The following SUPT7L variants were observed in gnomAD, a reference collection of about 807,000 sequenced individuals.
SUPT7L encodes SPT7 like, STAGA complex subunit gamma.
Under a neutral mutation model 35.7 loss-of-function variants are expected in SUPT7L, and 15 were observed. That is an observed-to-expected ratio of 0.42 (90% CI 0.28 to 0.65). SUPT7L has a LOEUF of 0.65. Ranked by LOEUF, SUPT7L falls within the 30% of genes least tolerant of loss-of-function variation. The pLI is 0.23. For synonymous variants in SUPT7L, 168 were observed against 186.2 expected (o/e 0.90, Z 0.79); for missense variants, 434 against 522.2 (o/e 0.83, Z 1.65).
the SUPT7L span, among the ~76,000 whole-genome samples, chr2:27,643,032 T>C: frequency 6.9e-6 from 1 of 145,232 alleles, no homozygotes; most frequent in Admixed American, 6.9e-5. This position sits in a 1 kb window ranked among gnomAD's most constrained non-coding sequence, Gnocchi z 4.0. Context: ...AATAAAGGAT[T>C]TGGAAAGGCA....
the SUPT7L span, among the ~76,000 whole-genome samples, chr2:27,643,318 T>C: frequency 1.3e-5 from 2 of 151,912 alleles, no homozygotes; most frequent in Non-Finnish European, 2.9e-5. The surrounding 1 kb of genome is among the most constrained non-coding windows in gnomAD (Gnocchi z 4.0). Context: ...CCATGTTTAC[T>C]TTATTCTTTA....
chr2:27,662,409 T>G, intron 1 of SUPT7L, 128 bp from the exon 2 acceptor site: 1 of 536,908 alleles, frequency 1.9e-6, no homozygotes, highest in Non-Finnish European at 3.4e-6. Flanking sequence ...AATGACTACC[T>G]TTGTTCTAAC....
rs753562086 is a variant in SUPT7L at position 27,661,114 on chromosome 2, C to G, written c.289G>C (p.Glu97Gln). 1 of 1,614,164 alleles carries G rather than the reference C, an allele frequency of 6.2e-7. No individual in the cohort carries two copies. Among genetic ancestry groups the G allele is most frequent in the South Asian group, 1.1e-5 (1 of 91,078 alleles). ...NQQQTEGVKT[E>Q]ESEPLPSCPG... ...CACGAGGGAAGAGGTTCACTCTCTT[C>G]AGTTTTTACACCTTCTGTCTGCTGC... The change falls in exon 3 of 6, where the codon GAA (glutamate) becomes CAA (glutamine). Residue 97 changes from glutamate (E) to glutamine (Q), a missense_variant. Physicochemically the swap from Glu to Gln is conservative, Grantham distance 29. Transcript: ENST00000337768.
In SUPT7L at chr2:27,650,833, C is replaced by T. The variant is rs1306698520; in HGVS notation, c.*2652G>A. On this transcript the variant is annotated 3_prime_UTR_variant, in exon 6 of 6. Transcript: ENST00000337768. ...GTTTCATTGGTGACTTGGATAAAGA[C>T]TTTTTAATTTTAACTTTGTTCTAAG... 1 of 152,772 alleles carries T rather than the reference C, an allele frequency of 6.5e-6. No homozygotes were observed. Among genetic ancestry groups the T allele is most frequent in the Non-Finnish European group, 1.5e-5 (1 of 68,026 alleles). 9.5% of individuals were successfully genotyped at this position (152,772 alleles called of 1,614,324 possible).
the SUPT7L span, chr2:27,642,598 C>T: frequency 7.8e-5 from 69 of 886,612 alleles, no homozygotes; most frequent in South Asian, 6.8e-4. Flanking sequence ...ATTTTTGAGA[C>T]GGAGTTTCAC....
In SUPT7L at chr2:27,661,355, C is replaced by T. The variant is rs536372540; in HGVS notation, c.48G>A (p.Gln16=). 7 of 1,613,980 alleles carry T rather than the reference C, an allele frequency of 4.3e-6. No individual in the cohort carries two copies. In the South Asian group the frequency reaches 6.6e-5, roughly 15 times the overall value. The change falls in exon 3 of 6, where the codon CAG becomes CAA. Residue 16 remains glutamine (Q), a synonymous_variant. Transcript: ENST00000337768. The part of the protein sequence containing the change: ...YWGEIPISSS[Q]TNRSSFDLLP... ...GCAAATCGAAGGAACTTCTGTTGGT[C>T]TGGCTTGATGATATTGGTATCTCTC...
rs11315948 is a variant in SUPT7L at position 27,662,950 on chromosome 2, C to CTTTTTTT, written c.-90+372_-90+378dup. ...GCGCACCATCAAACCTGGATTTTTT[C>CTTTTTTT]TTTTTTTTTTTTTTTTTTGGCGAGA... On this transcript the variant is annotated intron_variant, in intron 1 of 5. Coordinates refer to ENST00000337768, the MANE Select transcript of SUPT7L (RefSeq NM_014860.3). 1.8e-4 allele frequency among the ~76,000 whole-genome samples: 18 copies of CTTTTTTT among 102,522 alleles called. 1 individual carries two copies. The highest frequency in any genetic ancestry group is 2.5e-4 in the Non-Finnish European group (14 of 55,972). The allele number at this position is 102,522 out of a possible 152,430, so 67.3% of individuals were successfully genotyped here.
chr2:27,650,066 G>A, downstream of SUPT7L: 1 of 1,010,086 alleles, frequency 9.9e-7, no homozygotes, highest in Non-Finnish European at 1.6e-6. Flanking sequence ...GCTCTAATCA[G>A]TTTGTCTAAT....
chr2:27,660,654 C>T (rs965385942), intron 3 of SUPT7L, among the ~76,000 whole-genome samples: 5 of 152,120 alleles, frequency 3.3e-5, no homozygotes, highest in Non-Finnish European at 7.4e-5. Flanking sequence ...ACGAGCTAAA[C>T]CCATAATTTT....
chr2:27,655,703 A>T, intron 4 of SUPT7L, 101 bp from the exon 5 acceptor site: 1 of 1,038,364 alleles, frequency 9.6e-7, no homozygotes, highest in South Asian at 1.6e-5. Flanking sequence ...CATGAATAAC[A>T]GAATTTTAAA....
rs10201652 is a variant in SUPT7L at position 27,651,465 on chromosome 2, A to C, written c.*2020T>G. 0.54 allele frequency: 82,749 copies of C among 152,206 alleles called. 23,323 individuals carry two copies. The highest frequency in any genetic ancestry group is 0.61 in the African/African-American group (25,380 of 41,466). The allele number at this position is 152,206 out of a possible 1,614,324, so 9.4% of individuals were successfully genotyped here. On this transcript the variant is annotated 3_prime_UTR_variant, in exon 6 of 6. Coordinates refer to ENST00000337768, the MANE Select transcript of SUPT7L (RefSeq NM_014860.3). ...TCGTCTTGACCATCTGGTGCCTGTT[A>C]TGCAGTTTAACATTCTGCAGCAATA...
rs1674646093 is a variant in SUPT7L, at chr2:27,653,415, CAG to C, written c.*68_*69del. On this transcript the variant is annotated 3_prime_UTR_variant, in exon 6 of 6. Coordinates refer to ENST00000337768, the MANE Select transcript of SUPT7L (RefSeq NM_014860.3). ...GGAGTCAAATCAATTTTTAAGGAAA[CAG>C]ATTCTAATACAAAAACCTTTTCTGT... is the stretch of plus-strand genomic sequence containing the variant. 11 of 1,530,148 alleles carry C rather than the reference CAG, an allele frequency of 7.2e-6. No individual in the cohort carries two copies. Among genetic ancestry groups the C allele is most frequent in the Middle Eastern group, 4.8e-4 (2 of 4,156 alleles). 94.8% of individuals were successfully genotyped at this position (1,530,148 alleles called of 1,614,324 possible).
intron 5 of SUPT7L, among the ~76,000 whole-genome samples, chr2:27,654,858 G>A (rs1467936727): frequency 5.3e-5 from 8 of 151,986 alleles, no homozygotes; most frequent in Admixed American, 3.3e-4. Flanking sequence ...GAGCCACTGC[G>A]CCCAGCCGGA....
the SUPT7L span, among the ~76,000 whole-genome samples, chr2:27,644,706 G>GTTT: frequency 8.1e-6 from 1 of 123,970 alleles, no homozygotes; most frequent in Non-Finnish European, 1.7e-5. Context: ...GCCTTAGTGA[G>GTTT]TTTTTTTTTT....
rs1674506957 is a variant in SUPT7L at position 27,650,936 on chromosome 2, G to A, written c.*2549C>T. Reference sequence around the variant, plus strand: ...CTTCTCCTGTTCAACAGAGGCTTAAGGCCAGATGTCCAAACTTGTCTCAAT... The same window carrying A: ...CTTCTCCTGTTCAACAGAGGCTTAAAGCCAGATGTCCAAACTTGTCTCAAT... On this transcript the variant is annotated 3_prime_UTR_variant, in exon 6 of 6. Coordinates refer to ENST00000337768, the MANE Select transcript of SUPT7L (RefSeq NM_014860.3). 1 of 152,702 alleles carries A rather than the reference G, an allele frequency of 6.5e-6. No individual in the cohort carries two copies. Among genetic ancestry groups the A allele is most frequent in the South Asian group, 2.1e-4 (1 of 4,834 alleles). The allele number at this position is 152,702 out of a possible 1,614,324, so 9.5% of individuals were successfully genotyped here. A position where few individuals can be genotyped will look rare whatever the true frequency, so the allele number is the denominator to read the frequency against.
At chr2:27,660,221 T>C (rs918906796) in intron 3 of SUPT7L, among the ~76,000 whole-genome samples, 1 of 152,028 alleles carries the variant, frequency 6.6e-6, no homozygotes, top group African/African-American at 2.4e-5. Context: ...ATAACATTTT[T>C]ATATTATTAT....
chr2:27,647,853 C>T (rs1674314031), downstream of SUPT7L: 1 of 1,611,194 alleles, frequency 6.2e-7, no homozygotes, highest in African/African-American at 1.3e-5. Flanking sequence ...ATCTCCTGTG[C>T]TGCACCCTTC....
chr2:27,647,818 T>C (rs1327358285), downstream of SUPT7L: 2 of 1,435,620 alleles, frequency 1.4e-6, no homozygotes, highest in Non-Finnish European at 2.0e-6. Flanking sequence ...ATATCACTGA[T>C]AGGTGTTTTC....
intron 3 of SUPT7L, 125 bp downstream of exon 3, chr2:27,660,859 T>G: frequency 1.5e-6 from 2 of 1,299,428 alleles, no homozygotes; most frequent in Non-Finnish European, 2.1e-6. Context: ...TGGAGAAACC[T>G]TGGCCAAGTC....
Sources: allele counts gnomAD v4.1 joint callset (sites outside exome capture counted in the v4.1 genomes callset), GRCh38; gene constraint gnomAD v4.1.1; non-coding constraint Gnocchi (gnomAD v3.1); transcripts MANE v1.5; gene names NCBI Gene and HGNC (gene_info 2026-07-23, HGNC 2026-07-21).